The following RAB15 variants were observed in gnomAD, a reference collection of about 807,000 sequenced individuals.
The protein encoded by RAB15 is RAB15, member RAS oncogene family, also known as ras-related protein Rab-15.
RAB15 carries 13 observed loss-of-function variants against 31.8 expected under a neutral mutation model. That is an observed-to-expected ratio of 0.41 (90% CI 0.27 to 0.65). RAB15 has a LOEUF of 0.65. Among genes scored for constraint, RAB15 ranks in the 30% least tolerant of loss-of-function variants. The pLI is 0.32. For synonymous variants in RAB15, 100 were observed against 105.6 expected (o/e 0.95, Z 0.33); for missense variants, 220 against 277.3 (o/e 0.79, Z 1.47).
At chr14:64,967,525 G>A (rs1184839522) in intron 1 of RAB15, among the ~76,000 whole-genome samples, 1 of 151,870 alleles carries the variant, frequency 6.6e-6, no homozygotes, top group Non-Finnish European at 1.5e-5. Flanking sequence ...CGAGGCTGCA[G>A]TGAGCCGTGA....
rs1055504426 is a variant in RAB15, at chr14:64,958,522, A to G, written c.125-5951T>C. Reference sequence around the variant, plus strand: ...TTCTCTTGCTTTAAATTACTCAGCTAAAGGCATTTTGTTACAGCAGCCAGC... The same window carrying G: ...TTCTCTTGCTTTAAATTACTCAGCTGAAGGCATTTTGTTACAGCAGCCAGC... On this transcript the variant is annotated intron_variant, in intron 1 of 6. Coordinates refer to ENST00000533601, the MANE Select transcript of RAB15 (RefSeq NM_001308154.2). The surrounding 1 kb of genome is among the most constrained non-coding windows in gnomAD (Gnocchi z 4.4). Among the ~76,000 whole-genome samples the G allele has an allele frequency of 1.3e-5, 2 of 152,124 alleles. No homozygotes were observed. The highest frequency in any genetic ancestry group is 6.5e-5 in the Admixed American group (1 of 15,276).
rs749669798 is a variant in RAB15 at position 64,952,506 on chromosome 14, C to T, written c.185+5G>A. On this transcript the variant is annotated splice_donor_5th_base_variant and intron_variant, in intron 2 of 6. Transcript: ENST00000533601. The surrounding 1 kb of genome is among the most constrained non-coding windows in gnomAD (Gnocchi z 4.2). ...ACATCTGCCTCCTCCTCCTCCCCAGCTCACCAGATCTGTATCCGCACTTTG... is the reference window on the plus strand; with the variant it reads ...ACATCTGCCTCCTCCTCCTCCCCAGTTCACCAGATCTGTATCCGCACTTTG... The T allele has an allele frequency of 1.4e-5, 22 of 1,609,880 alleles. No individual in the cohort carries two copies. The highest frequency in any genetic ancestry group is 8.5e-7 in the Non-Finnish European group (1 of 1,176,604).
At position 64,971,985 on chromosome 14, in the gene RAB15, T is replaced by C; in HGVS notation, c.92A>G (p.Asn31Ser). 1 of 1,600,668 alleles carries C rather than the reference T, an allele frequency of 6.2e-7. No homozygotes were observed. The highest frequency in any genetic ancestry group is 8.5e-7 in the Non-Finnish European group (1 of 1,173,938). Reference sequence around the variant, plus strand: ...GGAGATGTGCGAGGAGTGGAACTCGTTGTCGGTGAAGCGGCACAGCAGGCA... The same window carrying C: ...GGAGATGTGCGAGGAGTGGAACTCGCTGTCGGTGAAGCGGCACAGCAGGCA... ...KTCLLCRFTD[N>S]EFHSSHISTI... Residue 31 changes from asparagine (N) to serine (S), a missense_variant, in exon 1 of 7, where the codon AAC becomes AGC. Physicochemically the swap from Asn to Ser is conservative, Grantham distance 46. Transcript: ENST00000533601. This position sits in a 1 kb window ranked among gnomAD's most constrained non-coding sequence, Gnocchi z 4.1.
intron 1 of RAB15, among the ~76,000 whole-genome samples, chr14:64,956,414 A>G (rs1886569663): frequency 6.6e-6 from 1 of 151,538 alleles, no homozygotes; most frequent in South Asian, 2.1e-4. Flanking sequence ...TCATCTCAAA[A>G]AAAAAAAAAA....
intron 1 of RAB15, among the ~76,000 whole-genome samples, chr14:64,967,121 C>T (rs963009274): frequency 1.3e-4 from 19 of 151,768 alleles, no homozygotes; most frequent in African/African-American, 2.2e-4. Flanking sequence ...GGTGACATAG[C>T]AGCAGCAACC....
chr14:64,959,576 T>C (rs1232224287), intron 1 of RAB15, among the ~76,000 whole-genome samples: 1 of 151,750 alleles, frequency 6.6e-6, no homozygotes, highest in Non-Finnish European at 1.5e-5. Context: ...TCTAAATAAA[T>C]AAAAAGGCCA....
At chr14:64,956,092 A>G (rs1886542758) in intron 1 of RAB15, among the ~76,000 whole-genome samples, 1 of 152,126 alleles carries the variant, frequency 6.6e-6, no homozygotes, top group African/African-American at 2.4e-5. Context: ...CATCAGCATC[A>G]CCTGGGACTT....
chr14:64,959,900 C>T (rs1886763162), intron 1 of RAB15, among the ~76,000 whole-genome samples: 1 of 151,330 alleles, frequency 6.6e-6, no homozygotes, highest in South Asian at 2.1e-4. Flanking sequence ...ATCTCCCCCT[C>T]ACCCCAGAGA....
rs773590414 is a variant in RAB15 at position 64,951,684 on chromosome 14, C to G, written c.186-21G>C. ...TGTCCCTGCAGGAGAAAGCCAGTCC[C>G]TCAGAGGAGCAGGGACCATGGGAAC... is the stretch of plus-strand genomic sequence containing the variant. On this transcript the variant is annotated intron_variant, in intron 2 of 6. Transcript: ENST00000533601. This position sits in a 1 kb window ranked among gnomAD's most constrained non-coding sequence, Gnocchi z 7.2. The G allele has an allele frequency of 1.6e-5, 25 of 1,609,364 alleles. No individual in the cohort carries two copies. In the East Asian group the frequency reaches 5.4e-4, roughly 34 times the overall value.
rs1415989123 is a variant in RAB15 at position 64,945,977 on chromosome 14, C to T, written c.*2377G>A. On this transcript the variant is annotated 3_prime_UTR_variant, in exon 7 of 7. Transcript: ENST00000533601. ...TGGCGTGCCTGGGGCTGGATGGAGTCTCAAGACAGCAGGTGCAGAGGTGGT... is the reference window on the plus strand; with the variant it reads ...TGGCGTGCCTGGGGCTGGATGGAGTTTCAAGACAGCAGGTGCAGAGGTGGT... 6.6e-6 allele frequency: 1 copy of T among 152,604 alleles called. No homozygotes were observed. Among genetic ancestry groups the T allele is most frequent in the Non-Finnish European group, 1.5e-5 (1 of 68,080 alleles). The allele number at this position is 152,604 out of a possible 1,614,324, so 9.5% of individuals were successfully genotyped here.
intron 1 of RAB15, among the ~76,000 whole-genome samples, chr14:64,965,244 G>A (rs1887069919): frequency 6.6e-6 from 1 of 152,044 alleles, no homozygotes; most frequent in African/African-American, 2.4e-5. Context: ...GATCAGCTGA[G>A]GTCAGAAGTT....
chr14:64,962,913 C>T lies in RAB15; in HGVS notation c.124+9040G>A, dbSNP rs1364369662. 3.3e-5 allele frequency among the ~76,000 whole-genome samples: 5 copies of T among 152,080 alleles called. No homozygotes were observed. The highest frequency in any genetic ancestry group is 5.9e-5 in the Non-Finnish European group (4 of 68,008). On this transcript the variant is annotated intron_variant, in intron 1 of 6. Transcript: ENST00000533601. The surrounding 1 kb of genome is among the most constrained non-coding windows in gnomAD (Gnocchi z 4.2). ...AATAGCACTTACACTTGTCTGGAGG[C>T]GTGAACCTGAAGAATACACCAAGAA...
Position 64,972,212 on chromosome 14 carries a change from C to T in RAB15, c.-136G>A, listed in dbSNP as rs1445155949. ...ACGCCGGGCCCGGCCCCCGCGGCTG[C>T]CTCGCCCGCCCGCCTGCCCACTCGC... On this transcript the variant is annotated 5_prime_UTR_variant, in exon 1 of 7. Transcript: ENST00000533601. The surrounding 1 kb of genome is among the most constrained non-coding windows in gnomAD (Gnocchi z 6.3). The T allele has an allele frequency of 1.2e-5, 7 of 564,288 alleles. No homozygotes were observed. Among genetic ancestry groups the T allele is most frequent in the Non-Finnish European group, 1.6e-5 (7 of 445,136 alleles). The allele number at this position is 564,288 out of a possible 1,614,324, so 35.0% of individuals were successfully genotyped here.
Position 64,948,390 on chromosome 14 carries a change from C to G in RAB15, c.603G>C (p.Glu201Asp). ...AELEEEEGKP[E>D]GPANSSKTCW... is the part of the protein sequence containing the mutation. The stretch of plus-strand genomic sequence containing the variant: ...AGGTTTTCGAAGAGTTCGCTGGGCC[C>G]TCGGGTTTGCCCTCCTCCTCCTCCA... Residue 201 changes from glutamate (E) to aspartate (D), a missense_variant, in exon 7 of 7, where the codon GAG (glutamate) becomes GAC (aspartate). Physicochemically the swap from Glu to Asp is conservative, Grantham distance 45. Transcript: ENST00000533601. The surrounding 1 kb of genome is among the most constrained non-coding windows in gnomAD (Gnocchi z 7.0). 1.2e-6 allele frequency: 2 copies of G among 1,608,770 alleles called. No individual in the cohort carries two copies. The highest frequency in any genetic ancestry group is 1.1e-5 in the South Asian group (1 of 90,430).
At position 64,970,711 on chromosome 14, in the gene RAB15, C is replaced by CG. The variant is rs1244591383; in HGVS notation, c.124+1241dup. On this transcript the variant is annotated intron_variant, in intron 1 of 6. Coordinates refer to ENST00000533601, the MANE Select transcript of RAB15 (RefSeq NM_001308154.2). This position sits in a 1 kb window ranked among gnomAD's most constrained non-coding sequence, Gnocchi z 4.1. ...GGCAGGTAGGTGCAATTATTATACC[C>CG]GTTCTACAGATGAGAAACTAAATAA... Among the ~76,000 whole-genome samples, 1 of 152,210 alleles carries CG rather than the reference C, an allele frequency of 6.6e-6. No homozygotes were observed. Among genetic ancestry groups the CG allele is most frequent in the African/African-American group, 2.4e-5 (1 of 41,448 alleles).
rs1462970182 is a variant in RAB15, at chr14:64,951,542, C to T, written c.246+61G>A. On this transcript the variant is annotated intron_variant, in intron 3 of 6. Transcript: ENST00000533601. The surrounding 1 kb of genome is among the most constrained non-coding windows in gnomAD (Gnocchi z 7.2). ...ATCCGTGGCACAGACATCTCAAATA[C>T]CCAGAGCTGGGAGTGTGGGTGGCAG... 1.4e-6 allele frequency: 2 copies of T among 1,467,650 alleles called. No individual in the cohort carries two copies. The highest frequency in any genetic ancestry group is 1.9e-6 in the Non-Finnish European group (2 of 1,046,330). The allele number at this position is 1,467,650 out of a possible 1,614,324, so 90.9% of individuals were successfully genotyped here.
chr14:64,971,891 G>C lies in RAB15; in HGVS notation c.124+62C>G, dbSNP rs762553713. ...GCAATTCCTCCCCAGCTGGGGACGGGGGCGGCGGGGAAAGGGGCCGCGGGC... is the reference window on the plus strand; with the variant it reads ...GCAATTCCTCCCCAGCTGGGGACGGCGGCGGCGGGGAAAGGGGCCGCGGGC... On this transcript the variant is annotated intron_variant, in intron 1 of 6. Coordinates refer to ENST00000533601, the MANE Select transcript of RAB15 (RefSeq NM_001308154.2). This position sits in a 1 kb window ranked among gnomAD's most constrained non-coding sequence, Gnocchi z 4.1. The C allele has an allele frequency of 1.7e-3, 2,470 of 1,481,194 alleles. 6 individuals carry two copies. The highest frequency in any genetic ancestry group is 2.7e-3 in the South Asian group (219 of 81,956). The allele number at this position is 1,481,194 out of a possible 1,614,324, so 91.8% of individuals were successfully genotyped here.
chr14:64,957,344 C>T (rs973647652), intron 1 of RAB15, among the ~76,000 whole-genome samples: 2 of 152,174 alleles, frequency 1.3e-5, no homozygotes, highest in Admixed American at 1.3e-4. Flanking sequence ...CTCACTCCTA[C>T]CTTCCCTCTG....
intron 1 of RAB15, among the ~76,000 whole-genome samples, chr14:64,959,616 C>T (rs1043727350): frequency 1.3e-5 from 2 of 152,064 alleles, no homozygotes; most frequent in East Asian, 3.9e-4. Flanking sequence ...GTAATCCAAA[C>T]ACTTTGGGAA....
Sources: allele counts gnomAD v4.1 joint callset (sites outside exome capture counted in the v4.1 genomes callset), GRCh38; gene constraint gnomAD v4.1.1; non-coding constraint Gnocchi (gnomAD v3.1); transcripts MANE v1.5; gene names NCBI Gene and HGNC (gene_info 2026-07-23, HGNC 2026-07-21).